GPR55: variants seen among roughly 807,000 people sequenced by gnomAD.
The protein encoded by GPR55 is G-protein coupled receptor 55.
Under a neutral mutation model 7.9 loss-of-function variants are expected in GPR55, and 6 were observed. The observed-to-expected ratio is 0.76, with a 90% CI of 0.41 to 1.49. GPR55 has a LOEUF of 1.49. Ranked by LOEUF, GPR55 falls within the 40% of genes most tolerant of loss-of-function variation. The probability of loss-of-function intolerance (pLI) is 0.01; values close to 1 mark genes in which losing one functional copy is unlikely to be tolerated. For missense variants in GPR55, 376 were observed against 406.0 expected (o/e 0.93, Z 0.63); for synonymous variants, 183 against 166.8 (o/e 1.10, Z -0.75).
rs573453087 is a variant in GPR55, at chr2:230,920,914, A to T, written c.-135+4254T>A. On this transcript the variant is annotated intron_variant, in intron 1 of 1. Transcript: ENST00000650999. ...ATCTATTAAAACCAACCATCAATTT[A>T]AAAAAAACAAAATTCAATCATCTTT... is the stretch of plus-strand genomic sequence containing the variant. Among the ~76,000 whole-genome samples, 7 of 152,042 alleles carry T rather than the reference A, an allele frequency of 4.6e-5. No individual in the cohort carries two copies. The South Asian group carries it at 1.2e-3, about 27-fold the overall frequency.
At chr2:230,916,913 T>C (rs1690730250) in intron 1 of GPR55, among the ~76,000 whole-genome samples, 3 of 152,324 alleles carry the variant, frequency 2.0e-5, no homozygotes, top group Middle Eastern at 3.4e-3. Context: ...CTTTTATTAA[T>C]ATTCTCAATT....
At chr2:230,911,495 G>A (rs1042882788) in intron 1 of GPR55, among the ~76,000 whole-genome samples, 1 of 152,210 alleles carries the variant, frequency 6.6e-6, no homozygotes, top group Non-Finnish European at 1.5e-5. Context: ...TGCAACCAGG[G>A]ATGATTGACA....
At position 230,909,886 on chromosome 2, in the gene GPR55, G is replaced by A. The variant is rs759195061; in HGVS notation, c.*117C>T. On this transcript the variant is annotated 3_prime_UTR_variant, in exon 2 of 2. Coordinates refer to ENST00000650999, the MANE Select transcript of GPR55 (RefSeq NM_005683.4). ...GCTGGCACTCAATGGGCATCAAAGG[G>A]AAGCACATCAGTGAAGATGGTGCGG... 3.2e-5 allele frequency: 34 copies of A among 1,055,186 alleles called. No homozygotes were observed. The highest frequency in any genetic ancestry group is 4.2e-5 in the Non-Finnish European group (30 of 715,102). The allele number at this position is 1,055,186 out of a possible 1,614,324, so 65.4% of individuals were successfully genotyped here.
At chr2:230,928,451 C>T (rs1209762744), upstream of GPR55, 1 of 152,246 alleles carries the variant, frequency 6.6e-6, no homozygotes, top group African/African-American at 2.4e-5. Flanking sequence ...TCCCCAGCCG[C>T]AAATTGGAGT....
chr2:230,957,423 C>G (rs113621367), intron 1 of GPR55, among the ~76,000 whole-genome samples: 38 of 152,346 alleles, frequency 2.5e-4, no homozygotes, highest in Admixed American at 4.6e-4. Context: ...GATGATTCAC[C>G]TCCTGAGCAG....
intron 1 of GPR55, among the ~76,000 whole-genome samples, chr2:230,939,078 A>G (rs1307526615): frequency 6.6e-6 from 1 of 152,152 alleles, no homozygotes; most frequent in Non-Finnish European, 1.5e-5. Flanking sequence ...ACTAGCCAAC[A>G]ATGAGCACTC....
At chr2:230,947,498 A>C (rs937428334) in intron 1 of GPR55, among the ~76,000 whole-genome samples, 3 of 147,060 alleles carry the variant, frequency 2.0e-5, no homozygotes, top group Non-Finnish European at 4.5e-5. Flanking sequence ...GGTCAACTTT[A>C]TGACCTTTTT....
chr2:230,911,088 G>T lies in GPR55; in HGVS notation c.-126C>A. 1 of 946,192 alleles carries T rather than the reference G, an allele frequency of 1.1e-6. No homozygotes were observed. The highest frequency in any genetic ancestry group is 1.6e-6 in the Non-Finnish European group (1 of 618,698). The allele number at this position is 946,192 out of a possible 1,614,324, so 58.6% of individuals were successfully genotyped here. ...CATCACACAGCAATTCATGCCCATT[G>T]AATCACAACTAGAACACAGAAAAGA... On this transcript the variant is annotated 5_prime_UTR_variant, in exon 2 of 2. Coordinates refer to ENST00000650999, the MANE Select transcript of GPR55 (RefSeq NM_005683.4).
chr2:230,922,262 G>A (rs1322963007), intron 1 of GPR55, among the ~76,000 whole-genome samples: 2 of 152,204 alleles, frequency 1.3e-5, no homozygotes, highest in East Asian at 3.8e-4. Context: ...CTGGGGTGGA[G>A]CACAGAGGCC....
chr2:230,952,371 G>A (rs1249033649), intron 1 of GPR55, among the ~76,000 whole-genome samples: 1 of 152,210 alleles, frequency 6.6e-6, no homozygotes, highest in East Asian at 1.9e-4. Context: ...AAGTCAGCTG[G>A]AGCCTGGCCG....
intron 1 of GPR55, chr2:230,957,710 G>A: frequency 1.8e-6 from 1 of 548,946 alleles, no homozygotes; most frequent in Non-Finnish European, 3.7e-6. Context: ...TGGTTCATTA[G>A]GATCTGTTGT....
intron 1 of GPR55, among the ~76,000 whole-genome samples, chr2:230,955,180 G>T (rs559146710): frequency 2.0e-5 from 3 of 152,298 alleles, no homozygotes; most frequent in Admixed American, 2.0e-4. Flanking sequence ...GCAAAGAAAA[G>T]AATAATTCAC....
intron 1 of GPR55, among the ~76,000 whole-genome samples, chr2:230,915,186 G>T (rs1690680835): frequency 6.6e-6 from 1 of 152,228 alleles, no homozygotes; most frequent in Non-Finnish European, 1.5e-5. Flanking sequence ...CAGCAGAGCT[G>T]CACTGACTGT....
chr2:230,956,044 C>G (rs1429592256), intron 1 of GPR55, among the ~76,000 whole-genome samples: 2 of 151,878 alleles, frequency 1.3e-5, no homozygotes, highest in Non-Finnish European at 2.9e-5. Context: ...TGTCTTTAAA[C>G]TAGAGGATTC....
intron 1 of GPR55, among the ~76,000 whole-genome samples, chr2:230,956,498 C>A (rs1691485987): frequency 6.6e-6 from 1 of 152,148 alleles, no homozygotes; most frequent in Non-Finnish European, 1.5e-5. Flanking sequence ...ATCAAACTTG[C>A]AGAAAAGTTG....
intron 1 of GPR55, among the ~76,000 whole-genome samples, chr2:230,920,182 T>G (rs1690801809): frequency 6.6e-6 from 1 of 151,866 alleles, no homozygotes; most frequent in South Asian, 2.1e-4. Flanking sequence ...TAATGCTTGG[T>G]GGGGAAAAAG....
intron 1 of GPR55, among the ~76,000 whole-genome samples, chr2:230,936,651 G>A (rs192692088): frequency 6.6e-6 from 1 of 152,194 alleles, no homozygotes; most frequent in East Asian, 1.9e-4. Context: ...GTCCATAGAG[G>A]TTCTGCCTGC....
At chr2:230,939,001 T>TG (rs2125064984) in intron 1 of GPR55, among the ~76,000 whole-genome samples, 1 of 152,308 alleles carries the variant, frequency 6.6e-6, no homozygotes, top group South Asian at 2.1e-4. Flanking sequence ...GCCTGGGGCA[T>TG]GGAAGCATCT....
intron 1 of GPR55, among the ~76,000 whole-genome samples, chr2:230,933,411 A>T (rs564146394): frequency 6.6e-6 from 1 of 152,308 alleles, no homozygotes; most frequent in African/African-American, 2.4e-5. Context: ...AGGGGAAGTC[A>T]GGAACCTACT....
Sources: gnomAD v4.1 joint callset for allele counts (sites outside exome capture counted in the v4.1 genomes callset) on GRCh38, gnomAD v4.1.1 for gene constraint, MANE v1.5 for transcripts, NCBI Gene and HGNC (gene_info 2026-07-23, HGNC 2026-07-21) for gene names.